The following APBB2 variants were observed in gnomAD, a reference collection of about 807,000 sequenced individuals.
APBB2 encodes amyloid beta precursor protein binding family B member 2.
APBB2 carries 38 observed loss-of-function variants against 82.5 expected under a neutral mutation model. That is an observed-to-expected ratio of 0.46 (90% CI 0.36 to 0.60). The LOEUF (loss-of-function observed/expected upper bound fraction) is 0.60, where lower values mean the gene tolerates loss of function less well. Ranked by LOEUF, APBB2 falls within the 20% of genes least tolerant of loss-of-function variation. APBB2 has a pLI of 0.00. For missense variants in APBB2, 772 were observed against 972.3 expected (o/e 0.79, Z 2.74); for synonymous variants, 341 against 368.2 (o/e 0.93, Z 0.85).
intron 3 of APBB2, among the ~76,000 whole-genome samples, chr4:41,093,794 C>T (rs1397342527): frequency 2.0e-5 from 3 of 151,026 alleles, no homozygotes; most frequent in African/African-American, 4.9e-5. Context: ...GTGGAGGTTG[C>T]GGTGAGCCAA....
intron 15 of APBB2, among the ~76,000 whole-genome samples, chr4:40,825,291 A>G (rs1749503611): frequency 6.6e-6 from 1 of 152,198 alleles, no homozygotes; most frequent in Admixed American, 6.5e-5. Context: ...AGAATGCCAG[A>G]CTGTTTTCCA....
Position 41,159,955 on chromosome 4 carries a change from G to GAAGA in APBB2, c.-416-16814_-416-16813insTCTT, listed in dbSNP as rs1764531774. ...GGAGGAGGAGGAGGAGAAGGAGAAG[G>GAAGA]AGAAGGAGAAGAAGAAGAAGAAGAA... On this transcript the variant is annotated intron_variant, in intron 1 of 17. Coordinates refer to ENST00000508593, the MANE Select transcript of APBB2 (RefSeq NM_004307.2). Among the ~76,000 whole-genome samples, 89 of 48,754 alleles carry GAAGA rather than the reference G, an allele frequency of 1.8e-3. 1 individual carries two copies. The highest frequency in any genetic ancestry group is 3.8e-3 in the African/African-American group (43 of 11,230). 32.0% of individuals were successfully genotyped at this position (48,754 alleles called of 152,430 possible).
chr4:41,020,820 G>C (rs1020480447), intron 5 of APBB2, among the ~76,000 whole-genome samples: 4 of 152,164 alleles, frequency 2.6e-5, no homozygotes, highest in Non-Finnish European at 5.9e-5. Flanking sequence ...GTGACACTCC[G>C]AAGCCTCTGA....
At chr4:41,004,836 C>CAAAAAA (rs34941899) in intron 6 of APBB2, among the ~76,000 whole-genome samples, 29 of 49,230 alleles carry the variant, frequency 5.9e-4, no homozygotes, top group Non-Finnish European at 7.5e-4. Flanking sequence ...GACCCCATCT[C>CAAAAAA]AAAAAAAAAA....
intron 6 of APBB2, among the ~76,000 whole-genome samples, chr4:40,980,384 C>T (rs570497942): frequency 3.3e-5 from 5 of 152,316 alleles, no homozygotes; most frequent in African/African-American, 9.6e-5. Flanking sequence ...TTCCCCATCT[C>T]CTCATTATTT....
At chr4:40,887,633 C>G (rs1339022441) in intron 12 of APBB2, among the ~76,000 whole-genome samples, 1 of 152,096 alleles carries the variant, frequency 6.6e-6, no homozygotes, top group Non-Finnish European at 1.5e-5. Context: ...CTCAGGGGAC[C>G]AATGGGGAGA....
At chr4:40,984,406 T>C (rs1799876966) in intron 6 of APBB2, among the ~76,000 whole-genome samples, 1 of 152,046 alleles carries the variant, frequency 6.6e-6, no homozygotes, top group Non-Finnish European at 1.5e-5. Context: ...AAGTTGATCA[T>C]GGAAAATAAG....
intron 6 of APBB2, among the ~76,000 whole-genome samples, chr4:40,998,631 A>C (rs1804290499): frequency 6.6e-6 from 1 of 152,232 alleles, no homozygotes; most frequent in Non-Finnish European, 1.5e-5. Flanking sequence ...ATAAAGGCAG[A>C]TAAGCAAATT....
chr4:40,966,994 C>T lies in APBB2; in HGVS notation c.836-21921G>A, dbSNP rs149659993. On this transcript the variant is annotated intron_variant, in intron 6 of 17. Transcript: ENST00000508593. ...TTTATGGTGCTTTTTTAGGCCTGCC[C>T]ATGGTCACTCATGGACCAGTCAGCA... Among the ~76,000 whole-genome samples the T allele has an allele frequency of 9.7e-4, 148 of 152,288 alleles. 1 individual carries two copies. The highest frequency in any genetic ancestry group is 3.4e-3 in the African/African-American group (142 of 41,564).
At chr4:41,166,888 T>C (rs915615444) in intron 1 of APBB2, among the ~76,000 whole-genome samples, 1 of 152,024 alleles carries the variant, frequency 6.6e-6, no homozygotes, top group African/African-American at 2.4e-5. Context: ...AAAAATAAAA[T>C]AAAATTTAAA....
intron 1 of APBB2, among the ~76,000 whole-genome samples, chr4:41,149,733 T>G (rs1761738914): frequency 6.6e-6 from 1 of 152,196 alleles, no homozygotes; most frequent in Non-Finnish European, 1.5e-5. Flanking sequence ...AATCCCCATG[T>G]GTCATGGCAG....
rs1720631984 is a variant in APBB2 at position 41,039,798 on chromosome 4, T to C, written c.-50-6494A>G. Among the ~76,000 whole-genome samples the C allele has an allele frequency of 3.4e-5, 5 of 149,190 alleles. No individual in the cohort carries two copies. In the South Asian group the frequency reaches 1.1e-3, roughly 32 times the overall value. ...TTGGTTGAGCCCAGGAGTTCAGTGC[T>C]GCAGTGAGTTGTGAAACAAGGTGTG... is the stretch of plus-strand genomic sequence containing the variant. On this transcript the variant is annotated intron_variant, in intron 4 of 17. Coordinates refer to ENST00000508593, the MANE Select transcript of APBB2 (RefSeq NM_004307.2).
At chr4:40,983,019 A>C (rs1799516957) in intron 6 of APBB2, among the ~76,000 whole-genome samples, 1 of 152,200 alleles carries the variant, frequency 6.6e-6, no homozygotes, top group Non-Finnish European at 1.5e-5. Context: ...TGGGGGACCC[A>C]TTACCTAGAT....
At chr4:41,019,973 CAG>C (rs1811035919) in intron 5 of APBB2, among the ~76,000 whole-genome samples, 1 of 150,288 alleles carries the variant, frequency 6.7e-6, no homozygotes, top group Non-Finnish European at 1.5e-5. Context: ...GAGGGAAAGA[CAG>C]AGACAGAGAG....
At chr4:40,948,015 A>G (rs146225505) in intron 6 of APBB2, among the ~76,000 whole-genome samples, 1 of 152,376 alleles carries the variant, frequency 6.6e-6, no homozygotes, top group African/African-American at 2.4e-5. Context: ...TTCACAGAAC[A>G]GAGCAACTTC....
At chr4:40,872,636 G>A (rs1765818006) in intron 12 of APBB2, among the ~76,000 whole-genome samples, 1 of 152,146 alleles carries the variant, frequency 6.6e-6, no homozygotes, top group African/African-American at 2.4e-5. Context: ...GGGATCAATA[G>A]AGGAAGAAGG....
At chr4:41,205,418 G>A (rs2154078700) in intron 1 of APBB2, among the ~76,000 whole-genome samples, 1 of 152,226 alleles carries the variant, frequency 6.6e-6, no homozygotes, top group African/African-American at 2.4e-5. Flanking sequence ...AAAATAGACA[G>A]AGCTAAGGAA....
At chr4:40,851,738 A>ATATATATATATTTT (rs1192919460) in intron 12 of APBB2, among the ~76,000 whole-genome samples, 71 of 67,710 alleles carry the variant, frequency 1.0e-3, no homozygotes, top group Middle Eastern at 8.9e-3. Context: ...ATATATATAT[A>ATATATATATATTTT]TTTTTTTTTT....
Position 40,996,258 on chromosome 4 carries a change from G to A in APBB2, c.835+17325C>T, listed in dbSNP as rs149076291. Among the ~76,000 whole-genome samples the A allele has an allele frequency of 4.6e-5, 7 of 152,190 alleles. No individual in the cohort carries two copies. In the East Asian group the frequency reaches 1.3e-3, roughly 29 times the overall value. Reference sequence around the variant, plus strand: ...TGGCTAAGTTGAATTTAATATTTAAGATGAGGAAAAACGAAGACTGGTTAA... The same window carrying A: ...TGGCTAAGTTGAATTTAATATTTAAAATGAGGAAAAACGAAGACTGGTTAA... On this transcript the variant is annotated intron_variant, in intron 6 of 17. Coordinates refer to ENST00000508593, the MANE Select transcript of APBB2 (RefSeq NM_004307.2).
Sources: allele counts gnomAD v4.1 joint callset (sites outside exome capture counted in the v4.1 genomes callset), GRCh38; gene constraint gnomAD v4.1.1; transcripts MANE v1.5; gene names NCBI Gene and HGNC (gene_info 2026-07-23, HGNC 2026-07-21).